Variants in GRTP1 observed in about 807,000 individuals in gnomAD.
GRTP1 encodes the protein growth hormone-regulated TBC protein 1.
In GRTP1, 56 loss-of-function variants were observed where a neutral mutation model predicts 38.1. The observed-to-expected ratio is 1.47, with a 90% CI of 1.19 to 1.84. The LOEUF is 1.84. GRTP1 is among the 40% of genes most tolerant of loss of function. The pLI is 0.00. For synonymous variants in GRTP1, 217 were observed against 189.5 expected (o/e 1.14, Z -1.19); for missense variants, 506 against 453.9 (o/e 1.11, Z -1.04).
chr13:113,326,592 A>C (rs2042777708), intron 5 of GRTP1, among the ~76,000 whole-genome samples: 1 of 151,880 alleles, frequency 6.6e-6, no homozygotes. Context: ...AATCGCTTGA[A>C]CCTGGGAGGT....
intron 2 of GRTP1, chr13:113,361,768 G>A (rs1358835298): frequency 6.6e-6 from 1 of 152,226 alleles, no homozygotes; most frequent in African/African-American, 2.4e-5. Context: ...TATGATTAAA[G>A]TGTTTACCAT....
At chr13:113,362,845 A>G (rs1397235113) in intron 2 of GRTP1, among the ~76,000 whole-genome samples, 1 of 150,878 alleles carries the variant, frequency 6.6e-6, no homozygotes, top group Non-Finnish European at 1.5e-5. Flanking sequence ...AGCCCCCAGG[A>G]CTCCCCTTTG....
At chr13:113,351,028 C>T in intron 3 of GRTP1, 55 bp from the exon 4 acceptor site, 1 of 1,606,458 alleles carries the variant, frequency 6.2e-7, no homozygotes, top group African/African-American at 1.3e-5. Flanking sequence ...AAGCCTCCCA[C>T]CCCTCCAGCT....
At chr13:113,330,788 AGC>A (rs1347376249) in intron 5 of GRTP1, among the ~76,000 whole-genome samples, 14 of 34 alleles carry the variant, frequency 0.41, 7 homozygotes, top group South Asian at 1. Flanking sequence ...GCGTGCATGG[AGC>A]CCAGGTGCGT....
intron 3 of GRTP1, 76 bp from the exon 4 acceptor site, chr13:113,351,049 T>C: frequency 1.3e-6 from 2 of 1,591,996 alleles, no homozygotes; most frequent in Non-Finnish European, 8.6e-7. Context: ...GCCCCGAGGG[T>C]GGCCACCTGG....
At chr13:113,362,622 CAAAT>C (rs2043519316) in intron 2 of GRTP1, among the ~76,000 whole-genome samples, 1 of 152,096 alleles carries the variant, frequency 6.6e-6, no homozygotes, top group South Asian at 2.1e-4. Context: ...TACCCTGTCT[CAAAT>C]AAATAAATAA....
intron 2 of GRTP1, among the ~76,000 whole-genome samples, chr13:113,362,541 G>A (rs937121692): frequency 2.0e-5 from 3 of 152,130 alleles, no homozygotes; most frequent in Admixed American, 6.5e-5. Flanking sequence ...GAGGCTGAGA[G>A]GGGAGGATGG....
At chr13:113,358,224 T>C (rs1441793113) in intron 2 of GRTP1, among the ~76,000 whole-genome samples, 2 of 152,094 alleles carry the variant, frequency 1.3e-5, no homozygotes, top group African/African-American at 2.4e-5. Flanking sequence ...ATTGGCATCA[T>C]TTACAATAGT....
At position 113,325,948 on chromosome 13, in the gene GRTP1, AGATGAAC is replaced by A. The variant is rs1391105187; in HGVS notation, c.699_705del (p.Trp233CysfsTer33). 1 of 1,613,984 alleles carries A rather than the reference AGATGAAC, an allele frequency of 6.2e-7. No individual in the cohort carries two copies. The highest frequency in any genetic ancestry group is 1.7e-5 in the Admixed American group (1 of 60,020). ...ACGGGCAAGATGTCCACAAACAGGC[AGATGAAC>A]CAGCGGGACACCAGCAGCGTCCACA... On this transcript the variant is annotated frameshift_variant, in exon 6 of 8. Transcript: ENST00000375431. LOFTEE classifies it high-confidence loss of function.
intron 7 of GRTP1, 146 bp from the exon 8 acceptor site, chr13:113,324,723 T>G: frequency 7.0e-7 from 1 of 1,425,392 alleles, no homozygotes; most frequent in Non-Finnish European, 9.2e-7. Flanking sequence ...GACCCACAGA[T>G]TGTCACCATC....
At chr13:113,325,290 A>C (rs1323100677) in intron 7 of GRTP1, 1 of 1,309,136 alleles carries the variant, frequency 7.6e-7, no homozygotes, top group African/African-American at 1.5e-5. Flanking sequence ...AAGGCCTGTC[A>C]GGTACAGCTC....
At chr13:113,333,838 A>AGTGTGT (rs1555314877) in intron 5 of GRTP1, among the ~76,000 whole-genome samples, 4 of 23,600 alleles carry the variant, frequency 1.7e-4, no homozygotes, top group African/African-American at 2.7e-4. Flanking sequence ...TTATTTATTT[A>AGTGTGT]GTGTGTGTGT....
chr13:113,343,612 A>G lies in GRTP1; in HGVS notation c.562+1251T>C, dbSNP rs1339805265. On this transcript the variant is annotated intron_variant, in intron 5 of 7. Coordinates refer to ENST00000375431, the MANE Select transcript of GRTP1 (RefSeq NM_024719.4). The surrounding 1 kb of genome is among the most constrained non-coding windows in gnomAD (Gnocchi z 4.8). ...TACAGCGGTGGTCAGGCCAGCACGC[A>G]AATTCTCCCGGCCTTCGGTGTCCTC... is the stretch of plus-strand genomic sequence containing the variant. 6.6e-6 allele frequency among the ~76,000 whole-genome samples: 1 copy of G among 152,190 alleles called. No homozygotes were observed. Among genetic ancestry groups the G allele is most frequent in the Non-Finnish European group, 1.5e-5 (1 of 68,030 alleles).
chr13:113,347,787 C>T lies in GRTP1; in HGVS notation c.466-2828G>A, dbSNP rs868186280. Among the ~76,000 whole-genome samples, 7 of 133,518 alleles carry T rather than the reference C, an allele frequency of 5.2e-5. No homozygotes were observed. In the South Asian group the frequency reaches 1.4e-3, roughly 26 times the overall value. 87.6% of individuals were successfully genotyped at this position (133,518 alleles called of 152,430 possible). ...GAAGCCGAGAGCAGACCCGGGAGGA[C>T]CTCTGTGGCTGAGCGGATCTGGGAG... On this transcript the variant is annotated intron_variant, in intron 4 of 7. Coordinates refer to ENST00000375431, the MANE Select transcript of GRTP1 (RefSeq NM_024719.4).
In GRTP1 at chr13:113,342,012, T is replaced by A. The variant is rs1448823233; in HGVS notation, c.562+2851A>T. Among the ~76,000 whole-genome samples, 1 of 152,046 alleles carries A rather than the reference T, an allele frequency of 6.6e-6. No homozygotes were observed. Among genetic ancestry groups the A allele is most frequent in the African/African-American group, 2.4e-5 (1 of 41,422 alleles). On this transcript the variant is annotated intron_variant, in intron 5 of 7. Coordinates refer to ENST00000375431, the MANE Select transcript of GRTP1 (RefSeq NM_024719.4). This position sits in a 1 kb window ranked among gnomAD's most constrained non-coding sequence, Gnocchi z 4.5. ...CCCACACTGGAGTGTAGTGGTGTGA[T>A]CTAGCTCACTGCAACCTCAGCCTCC...
chr13:113,353,987 T>C (rs1378382096), intron 3 of GRTP1, among the ~76,000 whole-genome samples: 1 of 152,146 alleles, frequency 6.6e-6, no homozygotes, highest in Non-Finnish European at 1.5e-5. Flanking sequence ...GGAGGATCGC[T>C]TGAGCCTGGT....
At chr13:113,363,274 CTCGGCTCACTGCAACCTCCGCCTACT>C (rs2043532079) in intron 2 of GRTP1, among the ~76,000 whole-genome samples, 1 of 152,220 alleles carries the variant, frequency 6.6e-6, no homozygotes, top group Non-Finnish European at 1.5e-5. Flanking sequence ...ATGGCGCAAT[CTCGGCTCACTGCAACCTCCGCCTACT>C]GGGTTCAAGC....
chr13:113,344,291 C>T (rs1294326577), intron 5 of GRTP1, among the ~76,000 whole-genome samples: 14 of 152,204 alleles, frequency 9.2e-5, no homozygotes, highest in African/African-American at 3.4e-4. Context: ...GCCCCAGCTG[C>T]CCACAAGGGC....
rs542525078 is a variant in GRTP1 at position 113,361,335 on chromosome 13, C to G, written c.181+2427G>C. Among the ~76,000 whole-genome samples the G allele has an allele frequency of 3.3e-5, 5 of 152,034 alleles. No individual in the cohort carries two copies. In the South Asian group the frequency reaches 1.0e-3, roughly 32 times the overall value. On this transcript the variant is annotated intron_variant, in intron 2 of 7. Coordinates refer to ENST00000375431, the MANE Select transcript of GRTP1 (RefSeq NM_024719.4). ...ATCCGGATTGCTCTTTTCCTTTTCCCTGCTCTTCCCAGAACCCCCTCCCAA... is the reference window on the plus strand; with the variant it reads ...ATCCGGATTGCTCTTTTCCTTTTCCGTGCTCTTCCCAGAACCCCCTCCCAA...
Sources: gnomAD v4.1 joint callset for allele counts (sites outside exome capture counted in the v4.1 genomes callset) on GRCh38, gnomAD v4.1.1 for gene constraint, Gnocchi (gnomAD v3.1) non-coding constraint, MANE v1.5 for transcripts, NCBI Gene and HGNC (gene_info 2026-07-23, HGNC 2026-07-21) for gene names.